Variants in COL5A3 observed in about 807,000 individuals in gnomAD.
COL5A3 encodes collagen type V alpha 3 chain, also known as collagen alpha-3(V) chain.
COL5A3 carries 172 observed loss-of-function variants against 250.0 expected under a neutral mutation model. That is an observed-to-expected ratio of 0.69 (90% CI 0.61 to 0.78). The LOEUF (loss-of-function observed/expected upper bound fraction) is 0.78, where lower values mean the gene tolerates loss of function less well. COL5A3 is among the 30% of genes least tolerant of loss of function. The pLI, the probability that COL5A3 is intolerant of heterozygous loss-of-function variation, is 0.00. For missense variants in COL5A3, 2,340 were observed against 2,334.4 expected, an observed-to-expected ratio of 1.00 and a Z score of -0.05; for synonymous variants, 937 against 900.4, an observed-to-expected ratio of 1.04 and a Z score of -0.73.
chr19:9,996,875 C>A, intron 11 of COL5A3, 186 bp from the exon 12 acceptor site: 4 of 579,382 alleles, frequency 6.9e-6, no homozygotes, highest in Non-Finnish European at 1.2e-5. Flanking sequence ...AAGGAAAAGA[C>A]AGAGATGGAA....
At chr19:9,970,910 A>G (rs2086835975) in intron 53 of COL5A3, 65 bp downstream of exon 53, 2 of 850,692 alleles carry the variant, frequency 2.4e-6, no homozygotes, top group Admixed American at 2.6e-5. Flanking sequence ...CTGCCCCCCC[A>G]ATTCACTCAC....
At chr19:10,003,196 C>T (rs956979922) in intron 6 of COL5A3, among the ~76,000 whole-genome samples, 2 of 152,178 alleles carry the variant, frequency 1.3e-5, no homozygotes, top group East Asian at 3.8e-4. Context: ...ATGAACACGT[C>T]ATTCAACCCA....
chr19:10,007,097 C>G (rs74892315), intron 1 of COL5A3, among the ~76,000 whole-genome samples: 3,136 of 150,510 alleles, frequency 0.021, 53 homozygotes, highest in East Asian at 0.069. Flanking sequence ...CCTCTAACCT[C>G]CTCCCTCTGA....
intron 36 of COL5A3, 32 bp from the exon 37 acceptor site, chr19:9,979,924 C>T (rs781127962): frequency 6.4e-7 from 1 of 1,572,098 alleles, no homozygotes; most frequent in Non-Finnish European, 8.6e-7. Flanking sequence ...AGTTGGGGCA[C>T]AGATACAGGG....
At position 9,973,806 on chromosome 19, in the gene COL5A3, T is replaced by TGCCCTGGAGA. The variant is rs1339658009; in HGVS notation, c.3559-7_3561dup (p.Thr1188SerfsTer19). ...CCAACTCCTCCAGGCAGCCCTGGAG[T>TGCCCTGGAGA]GCCCTGGAGAGACAGCAAGGGGTAA... On this transcript the variant is annotated frameshift_variant, in exon 49 of 67. Coordinates refer to ENST00000264828, the MANE Select transcript of COL5A3 (RefSeq NM_015719.4). LOFTEE classifies it high-confidence loss of function. The TGCCCTGGAGA allele has an allele frequency of 1.2e-6, 2 of 1,613,698 alleles. No individual in the cohort carries two copies. The highest frequency in any genetic ancestry group is 1.1e-5 in the South Asian group (1 of 91,058).
At chr19:9,979,766 A>T in intron 37 of COL5A3, 73 bp downstream of exon 37, 2 of 1,391,898 alleles carry the variant, frequency 1.4e-6, no homozygotes, top group Non-Finnish European at 2.0e-6. Flanking sequence ...AGCCCAGGTG[A>T]CAGAGTGAGA....
chr19:10,005,670 A>G lies in COL5A3; in HGVS notation c.482T>C (p.Leu161Pro). The G allele has an allele frequency of 6.2e-7, 1 of 1,613,778 alleles. No individual in the cohort carries two copies. Residue 161 changes from leucine to proline, a missense_variant, in exon 4 of 67, where the codon CTG becomes CCG. Physicochemically the swap from Leu to Pro is moderately conservative, Grantham distance 98. This residue lies in a region of COL5A3 where 1,152 missense variants were observed against 1,146.3 expected (regional missense o/e 1.00). Coordinates refer to ENST00000264828, the MANE Select transcript of COL5A3 (RefSeq NM_015719.4). ...GGGCTGAGCTTCACAGTCAGCTACC[A>G]GGGTCACCATCTCACCATCTATGCT... ...AVSIDGEMVTLVADCEAQPPV... is the reference protein window; with the variant it reads ...AVSIDGEMVTPVADCEAQPPV...
chr19:9,968,871 G>A lies in COL5A3; in HGVS notation c.4153-143C>T, dbSNP rs942860385. Reference sequence around the variant, plus strand: ...ATGAGGTCAAGGGATGGTCAGAGTAGGCCACCAAGGTGGGATGATGAGAGC... The same window carrying A: ...ATGAGGTCAAGGGATGGTCAGAGTAAGCCACCAAGGTGGGATGATGAGAGC... On this transcript the variant is annotated intron_variant, in intron 57 of 66. Transcript: ENST00000264828. The surrounding 1 kb of genome is among the most constrained non-coding windows in gnomAD (Gnocchi z 4.1). The A allele has an allele frequency of 2.7e-6, 2 of 744,222 alleles. No individual in the cohort carries two copies. The highest frequency in any genetic ancestry group is 5.5e-5 in the Admixed American group (2 of 36,430). 46.1% of individuals were successfully genotyped at this position (744,222 alleles called of 1,614,324 possible). A position where few individuals can be genotyped will look rare whatever the true frequency, so the allele number is the denominator to read the frequency against.
At position 9,989,474 on chromosome 19, in the gene COL5A3, G is replaced by A; in HGVS notation, c.2041C>T (p.Pro681Ser). 1 of 1,613,548 alleles carries A rather than the reference G, an allele frequency of 6.2e-7. No homozygotes were observed. The highest frequency in any genetic ancestry group is 8.5e-7 in the Non-Finnish European group (1 of 1,179,666). The change falls in exon 25 of 67, where the codon CCT (proline) becomes TCT (serine). Residue 681 changes from proline to serine, a missense_variant. Pro to Ser is a moderately conservative substitution (Grantham distance 74). Coordinates refer to ENST00000264828, the MANE Select transcript of COL5A3 (RefSeq NM_015719.4). ...GIPGLPGSDG[P>S]LGHPGHEGPT... ...TCCCAGCTCATGGTTCTCACCAGAGGGCCATCGGATCCTGGGAGGCCTGGA... is the reference window on the plus strand; with the variant it reads ...TCCCAGCTCATGGTTCTCACCAGAGAGCCATCGGATCCTGGGAGGCCTGGA...
intron 44 of COL5A3, 44 bp from the exon 45 acceptor site, chr19:9,976,655 G>T: frequency 6.8e-7 from 1 of 1,476,202 alleles, no homozygotes. Context: ...TCAGGTTTAA[G>T]ATTAGAGAGG....
chr19:10,008,339 C>T (rs1478165222), intron 1 of COL5A3, among the ~76,000 whole-genome samples: 1 of 152,148 alleles, frequency 6.6e-6, no homozygotes, highest in African/African-American at 2.4e-5. Context: ...CTTGTGTCCC[C>T]TCTGGAATGA....
chr19:9,978,976 T>TC lies in COL5A3; in HGVS notation c.2878dup (p.Glu960GlyfsTer37). ...CCCAAGGGGTCCTGGTGGTCCCAGT[T>TC]CCCCCTACAGGAGTGCAAAGGAGGG... On this transcript the variant is annotated frameshift_variant, in exon 40 of 67. Transcript: ENST00000264828. LOFTEE classifies it high-confidence loss of function. 1.3e-6 allele frequency: 2 copies of TC among 1,538,026 alleles called. No individual in the cohort carries two copies. Among genetic ancestry groups the TC allele is most frequent in the Non-Finnish European group, 1.7e-6 (2 of 1,146,132 alleles).
chr19:9,995,907 G>A, intron 15 of COL5A3, 159 bp downstream of exon 15: 1 of 800,904 alleles, frequency 1.2e-6, no homozygotes, highest in Non-Finnish European at 1.9e-6. Context: ...GCCTCCCAAA[G>A]TTCTGGGATT....
chr19:9,969,146 G>A (rs967259126), intron 57 of COL5A3, among the ~76,000 whole-genome samples: 5 of 140,274 alleles, frequency 3.6e-5, no homozygotes, highest in Non-Finnish European at 7.9e-5. Context: ...TCAAGGTGGA[G>A]TGTTAGAGCA....
chr19:9,968,797 G>T lies in COL5A3; in HGVS notation c.4153-69C>A. On this transcript the variant is annotated intron_variant, in intron 57 of 66. Transcript: ENST00000264828. This position sits in a 1 kb window ranked among gnomAD's most constrained non-coding sequence, Gnocchi z 4.1. ...CTCGAGGTCTGTGTGGGTGGTTAGG[G>T]GATGGTCAAATGGGAAATTATGCAG... 1.5e-6 allele frequency: 2 copies of T among 1,374,452 alleles called. No homozygotes were observed. The highest frequency in any genetic ancestry group is 2.0e-6 in the Non-Finnish European group (2 of 985,362). 85.1% of individuals were successfully genotyped at this position (1,374,452 alleles called of 1,614,324 possible). A position where few individuals can be genotyped will look rare whatever the true frequency, so the allele number is the denominator to read the frequency against.
chr19:9,988,687 C>T (rs2087135470), intron 27 of COL5A3, among the ~76,000 whole-genome samples: 1 of 151,232 alleles, frequency 6.6e-6, no homozygotes, highest in South Asian at 2.1e-4. Flanking sequence ...AAAAATTACC[C>T]AGGAGTGGTG....
intron 31 of COL5A3, among the ~76,000 whole-genome samples, chr19:9,983,588 GAAAGAAAGAAA>G (rs2087047153): frequency 1.4e-5 from 1 of 73,136 alleles, no homozygotes; most frequent in Non-Finnish European, 2.9e-5. Flanking sequence ...AAGAAAGAAA[GAAAGAAAGAAA>G]GAGAAAGAGA....
chr19:9,986,543 C>T lies in COL5A3; in HGVS notation c.2244+10G>A. The T allele has an allele frequency of 6.2e-7, 1 of 1,613,868 alleles. No homozygotes were observed. ...GACCCACACCACCCCTCATCTGGAGCTGGTCTTACCTGATCACCTTTGAGC... is the reference window on the plus strand; with the variant it reads ...GACCCACACCACCCCTCATCTGGAGTTGGTCTTACCTGATCACCTTTGAGC... On this transcript the variant is annotated intron_variant, in intron 29 of 66. Transcript: ENST00000264828.
At chr19:9,963,215 TTTAATTAA>T (rs112607755) in intron 64 of COL5A3, among the ~76,000 whole-genome samples, 2 of 151,890 alleles carry the variant, frequency 1.3e-5, no homozygotes, top group African/African-American at 4.8e-5. Context: ...ACCATTTTAT[TTTAATTAA>T]TTAATTAATT....
Sources: allele counts gnomAD v4.1 joint callset (sites outside exome capture counted in the v4.1 genomes callset), GRCh38; gene constraint gnomAD v4.1.1; regional missense constraint gnomAD v4.1.1; non-coding constraint Gnocchi (gnomAD v3.1); transcripts MANE v1.5; gene names NCBI Gene and HGNC (gene_info 2026-07-23, HGNC 2026-07-21).